The following GALNT18 variants were observed in gnomAD, a reference collection of about 807,000 sequenced individuals.
The protein encoded by GALNT18 is polypeptide N-acetylgalactosaminyltransferase 18.
Under a neutral mutation model 69.5 loss-of-function variants are expected in GALNT18, and 44 were observed. That is an observed-to-expected ratio of 0.63 (90% CI 0.50 to 0.81). GALNT18 has a LOEUF of 0.81. Among genes scored for constraint, GALNT18 ranks in the 40% least tolerant of loss-of-function variants. The pLI, the probability that GALNT18 is intolerant of heterozygous loss-of-function variation, is 0.00. For synonymous variants in GALNT18, 364 were observed against 318.2 expected (o/e 1.14, Z -1.53); for missense variants, 715 against 810.0 (o/e 0.88, Z 1.42).
chr11:11,581,335 C>T (rs746825457), intron 1 of GALNT18, among the ~76,000 whole-genome samples: 1 of 152,198 alleles, frequency 6.6e-6, no homozygotes, highest in Non-Finnish European at 1.5e-5. Flanking sequence ...CATTTTCATC[C>T]GGGTACACAA....
chr11:11,276,314 C>G (rs1289791288), intron 10 of GALNT18, among the ~76,000 whole-genome samples: 1 of 149,026 alleles, frequency 6.7e-6, no homozygotes, highest in Non-Finnish European at 1.5e-5. Flanking sequence ...GGTGTTCACT[C>G]ATGATTTGGC....
intron 9 of GALNT18, among the ~76,000 whole-genome samples, chr11:11,298,014 A>C (rs1316460086): frequency 6.6e-6 from 1 of 152,250 alleles, no homozygotes; most frequent in Non-Finnish European, 1.5e-5. Context: ...ACAGCTGGCC[A>C]GGGAGACCAC....
chr11:11,337,576 T>C lies in GALNT18; in HGVS notation c.1278+3243A>G, dbSNP rs760519271. The stretch of plus-strand genomic sequence containing the variant: ...ACTCTTTCACAGGCTGGTCATGCAA[T>C]GACAGAGAGATATTTAGGAGGGGGA... On this transcript the variant is annotated intron_variant, in intron 7 of 10. Coordinates refer to ENST00000227756, the MANE Select transcript of GALNT18 (RefSeq NM_198516.3). The surrounding 1 kb of genome is among the most constrained non-coding windows in gnomAD (Gnocchi z 4.9). Among the ~76,000 whole-genome samples, 1 of 152,152 alleles carries C rather than the reference T, an allele frequency of 6.6e-6. No homozygotes were observed. Among genetic ancestry groups the C allele is most frequent in the African/African-American group, 2.4e-5 (1 of 41,432 alleles).
Position 11,315,956 on chromosome 11 carries a change from G to C in GALNT18, c.1512+11130C>G, listed in dbSNP as rs373910384. ...AGTGAGCCTCACAGGGCCAGTCCCC[G>C]CATCACTCTGTACTGACATGAATGG... On this transcript the variant is annotated intron_variant, in intron 9 of 10. Coordinates refer to ENST00000227756, the MANE Select transcript of GALNT18 (RefSeq NM_198516.3). This position sits in a 1 kb window ranked among gnomAD's most constrained non-coding sequence, Gnocchi z 5.6. Among the ~76,000 whole-genome samples the C allele has an allele frequency of 6.6e-6, 1 of 152,098 alleles. No individual in the cohort carries two copies. The highest frequency in any genetic ancestry group is 1.9e-4 in the East Asian group (1 of 5,152).
intron 3 of GALNT18, among the ~76,000 whole-genome samples, chr11:11,398,041 C>T (rs1483515394): frequency 1.3e-5 from 2 of 152,216 alleles, no homozygotes; most frequent in African/African-American, 2.4e-5. Flanking sequence ...AATGTTCCCT[C>T]ACTGAAGTGC....
chr11:11,539,473 C>T (rs887168135), intron 1 of GALNT18, among the ~76,000 whole-genome samples: 2 of 152,210 alleles, frequency 1.3e-5, no homozygotes, highest in African/African-American at 4.8e-5. Context: ...CCTCGCTGCC[C>T]ACAACCTCCT....
At position 11,320,209 on chromosome 11, in the gene GALNT18, C is replaced by G. The variant is rs1266989586; in HGVS notation, c.1512+6877G>C. On this transcript the variant is annotated intron_variant, in intron 9 of 10. Transcript: ENST00000227756. The surrounding 1 kb of genome is among the most constrained non-coding windows in gnomAD (Gnocchi z 4.9). ...CTTTCAGCATTTTCAGGCTTCCTAT[C>G]AAGTGTGATGCTTAGGGAGGAATAT... Among the ~76,000 whole-genome samples, 2 of 152,142 alleles carry G rather than the reference C, an allele frequency of 1.3e-5. No homozygotes were observed. Among genetic ancestry groups the G allele is most frequent in the Admixed American group, 1.3e-4 (2 of 15,274 alleles).
At chr11:11,410,986 C>T (rs1277926888) in intron 3 of GALNT18, among the ~76,000 whole-genome samples, 1 of 152,186 alleles carries the variant, frequency 6.6e-6, no homozygotes, top group Non-Finnish European at 1.5e-5. Context: ...CTGTCAATGC[C>T]TCCTGGGTGC....
chr11:11,567,266 G>C (rs1414476785), intron 1 of GALNT18, among the ~76,000 whole-genome samples: 1 of 152,154 alleles, frequency 6.6e-6, no homozygotes, highest in Non-Finnish European at 1.5e-5. Flanking sequence ...TAGTAACCTA[G>C]ATCCAAATCT....
chr11:11,584,271 G>C lies in GALNT18; in HGVS notation c.235+37088C>G, dbSNP rs761441686. Among the ~76,000 whole-genome samples the C allele has an allele frequency of 5.3e-5, 8 of 152,140 alleles. No homozygotes were observed. The highest frequency in any genetic ancestry group is 8.8e-5 in the Non-Finnish European group (6 of 68,040). On this transcript the variant is annotated intron_variant, in intron 1 of 10. Coordinates refer to ENST00000227756, the MANE Select transcript of GALNT18 (RefSeq NM_198516.3). The surrounding 1 kb of genome is among the most constrained non-coding windows in gnomAD (Gnocchi z 4.1). ...ATAGACACTGACCTATGCCAGGAAA[G>C]GCCTGGAAGTTATGTCCAGGGAAGA...
In GALNT18 at chr11:11,584,875, A is replaced by G. The variant is rs995945619; in HGVS notation, c.235+36484T>C. On this transcript the variant is annotated intron_variant, in intron 1 of 10. Transcript: ENST00000227756. The surrounding 1 kb of genome is among the most constrained non-coding windows in gnomAD (Gnocchi z 4.1). ...ACTTTTCTCAAAGTCTTGTCACTCC[A>G]AGGAAAATAAGTGATAATATTTTTC... 6.6e-6 allele frequency among the ~76,000 whole-genome samples: 1 copy of G among 152,236 alleles called. No individual in the cohort carries two copies. The highest frequency in any genetic ancestry group is 2.4e-5 in the African/African-American group (1 of 41,446).
chr11:11,311,966 C>T (rs1016829116), intron 9 of GALNT18, among the ~76,000 whole-genome samples: 2 of 152,152 alleles, frequency 1.3e-5, no homozygotes, highest in Non-Finnish European at 2.9e-5. Context: ...GTGTAAGTTT[C>T]CTTTTTTTGA....
At chr11:11,549,075 A>G (rs1469358286) in intron 1 of GALNT18, among the ~76,000 whole-genome samples, 3 of 152,218 alleles carry the variant, frequency 2.0e-5, no homozygotes, top group African/African-American at 7.2e-5. Context: ...AAAGTGGTAT[A>G]TGTAACTTCT....
rs955866775 is a variant in GALNT18 at position 11,511,726 on chromosome 11, G to A, written c.236-62790C>T. On this transcript the variant is annotated intron_variant, in intron 1 of 10. Coordinates refer to ENST00000227756, the MANE Select transcript of GALNT18 (RefSeq NM_198516.3). This position sits in a 1 kb window ranked among gnomAD's most constrained non-coding sequence, Gnocchi z 4.9. Reference sequence around the variant, plus strand: ...GAGCCCTCATCAATGGTATATTGGTGCCCTTCTAAGAAGAGGCCAGAGAGC... The same window carrying A: ...GAGCCCTCATCAATGGTATATTGGTACCCTTCTAAGAAGAGGCCAGAGAGC... Among the ~76,000 whole-genome samples, 6 of 152,138 alleles carry A rather than the reference G, an allele frequency of 3.9e-5. No individual in the cohort carries two copies. The highest frequency in any genetic ancestry group is 8.8e-5 in the Non-Finnish European group (6 of 68,012).
intron 9 of GALNT18, among the ~76,000 whole-genome samples, chr11:11,298,497 C>T (rs1331911216): frequency 1.3e-5 from 2 of 152,240 alleles, no homozygotes; most frequent in African/African-American, 4.8e-5. Flanking sequence ...CTTGGAGGGG[C>T]TCTCCTCGGC....
Position 11,606,850 on chromosome 11 carries a change from T to C in GALNT18, c.235+14509A>G, listed in dbSNP as rs1859769448. ...GCCTCCAGGACCCAGTAGAGGCTCC[T>C]CAGGGTAGTCCTCAAGTTGCATTGG... is the stretch of plus-strand genomic sequence containing the variant. On this transcript the variant is annotated intron_variant, in intron 1 of 10. Coordinates refer to ENST00000227756, the MANE Select transcript of GALNT18 (RefSeq NM_198516.3). The surrounding 1 kb of genome is among the most constrained non-coding windows in gnomAD (Gnocchi z 5.4). Among the ~76,000 whole-genome samples the C allele has an allele frequency of 6.6e-6, 1 of 152,184 alleles. No homozygotes were observed. Among genetic ancestry groups the C allele is most frequent in the African/African-American group, 2.4e-5 (1 of 41,458 alleles).
At position 11,497,750 on chromosome 11, in the gene GALNT18, C is replaced by A. The variant is rs1317682073; in HGVS notation, c.236-48814G>T. 2.8e-5 allele frequency among the ~76,000 whole-genome samples: 4 copies of A among 144,924 alleles called. No individual in the cohort carries two copies. The highest frequency in any genetic ancestry group is 4.4e-4 in the South Asian group (2 of 4,558). ...ATGTGTATGTGCATATACATATTTT[C>A]TATATATATATATATATACACACAC... On this transcript the variant is annotated intron_variant, in intron 1 of 10. Transcript: ENST00000227756. This position sits in a 1 kb window ranked among gnomAD's most constrained non-coding sequence, Gnocchi z 4.2.
chr11:11,548,040 G>A (rs996541005), intron 1 of GALNT18, among the ~76,000 whole-genome samples: 7 of 152,188 alleles, frequency 4.6e-5, no homozygotes, highest in African/African-American at 1.7e-4. Context: ...TCCTTTGGTG[G>A]AAAGGGCTTG....
At chr11:11,428,510 G>A (rs1435450297) in intron 3 of GALNT18, among the ~76,000 whole-genome samples, 1 of 152,204 alleles carries the variant, frequency 6.6e-6, no homozygotes, top group Non-Finnish European at 1.5e-5. Context: ...CAGCCACATT[G>A]CCTCCTGCTG....
Sources: gnomAD v4.1 joint callset for allele counts (sites outside exome capture counted in the v4.1 genomes callset) on GRCh38, gnomAD v4.1.1 for gene constraint, Gnocchi (gnomAD v3.1) non-coding constraint, MANE v1.5 for transcripts, NCBI Gene and HGNC (gene_info 2026-07-23, HGNC 2026-07-21) for gene names.